The following IPPK variants were observed in gnomAD, a reference collection of about 807,000 sequenced individuals.
The protein encoded by IPPK is IPK1 homolog.
Under a neutral mutation model 64.6 loss-of-function variants are expected in IPPK, and 22 were observed. The ratio of observed to expected loss-of-function variants is 0.34; its 90% confidence interval spans 0.24 to 0.49. The LOEUF (loss-of-function observed/expected upper bound fraction) is 0.49. IPPK is among the 20% of genes least tolerant of loss of function. The pLI is 0.99. For missense variants in IPPK, 532 were observed against 630.7 expected (o/e 0.84, Z 1.68); for synonymous variants, 262 against 247.2 (o/e 1.06, Z -0.56).
At chr9:92,628,210 A>G (rs2131426068) in intron 11 of IPPK, among the ~76,000 whole-genome samples, 1 of 152,366 alleles carries the variant, frequency 6.6e-6, no homozygotes, top group East Asian at 1.9e-4. Flanking sequence ...ATCTAAATAA[A>G]TGGAAAAATA....
intron 1 of IPPK, among the ~76,000 whole-genome samples, chr9:92,666,043 GAAC>G (rs1014982914): frequency 1.3e-5 from 2 of 152,174 alleles, no homozygotes; most frequent in African/African-American, 4.8e-5. Context: ...CACGAAACTG[GAAC>G]AACTGGAAGT....
chr9:92,668,183 G>A (rs553760389), intron 1 of IPPK, among the ~76,000 whole-genome samples: 1 of 152,156 alleles, frequency 6.6e-6, no homozygotes, highest in Non-Finnish European at 1.5e-5. Flanking sequence ...CAGGAAAATC[G>A]CTTGAACCTG....
rs76984242 is a variant in IPPK, at chr9:92,642,576, C to T, written c.563+176G>A. The stretch of plus-strand genomic sequence containing the variant: ...AAACTGTGAGCACAGAGACAAGGCA[C>T]GGAGCACAAAGCCCCAGGTGTCTAC... On this transcript the variant is annotated intron_variant, in intron 7 of 12. Transcript: ENST00000287996. Among the ~76,000 whole-genome samples the T allele has an allele frequency of 3.8e-4, 58 of 152,318 alleles. 1 individual carries two copies. In the East Asian group the frequency reaches 0.01, roughly 26 times the overall value.
At chr9:92,619,331 A>G in intron 12 of IPPK, 155 bp downstream of exon 12, 1 of 617,086 alleles carries the variant, frequency 1.6e-6, no homozygotes, top group South Asian at 1.9e-5. Flanking sequence ...GGCGAGAGTT[A>G]GTAAGCCCCA....
At chr9:92,620,713 G>C (rs1404949349) in intron 11 of IPPK, among the ~76,000 whole-genome samples, 1 of 152,148 alleles carries the variant, frequency 6.6e-6, no homozygotes, top group Non-Finnish European at 1.5e-5. Flanking sequence ...GAACCTCAAA[G>C]CACGGATTTA....
At chr9:92,639,537 C>A (rs1405247316) in intron 8 of IPPK, among the ~76,000 whole-genome samples, 2 of 152,134 alleles carry the variant, frequency 1.3e-5, no homozygotes, top group East Asian at 3.8e-4. Context: ...TCGAAACAAT[C>A]CTAATCCTCA....
chr9:92,615,201 G>C lies in IPPK; in HGVS notation c.*631C>G, dbSNP rs1194546821. 6.6e-6 allele frequency: 1 copy of C among 152,514 alleles called. No individual in the cohort carries two copies. The highest frequency in any genetic ancestry group is 6.5e-5 in the Admixed American group (1 of 15,286). 9.4% of individuals were successfully genotyped at this position (152,514 alleles called of 1,614,324 possible). On this transcript the variant is annotated 3_prime_UTR_variant, in exon 13 of 13. Coordinates refer to ENST00000287996, the MANE Select transcript of IPPK (RefSeq NM_022755.6). ...GCATGAGTGGTGTCCATCCTGACCT[G>C]AGCCTTGCGCTCCCTGCTGCCCTGT...
Position 92,635,384 on chromosome 9 carries a change from ACCG to A in IPPK, c.917-79_917-77del. ...TGGAGGGAGACACAGGCCGGCGCAG[ACCG>A]CAGGGCTCATCCTGGGCTCCGCCAT... On this transcript the variant is annotated intron_variant, in intron 9 of 12. Coordinates refer to ENST00000287996, the MANE Select transcript of IPPK (RefSeq NM_022755.6). This position sits in a 1 kb window ranked among gnomAD's most constrained non-coding sequence, Gnocchi z 4.4. The A allele has an allele frequency of 6.8e-7, 1 of 1,477,886 alleles. No homozygotes were observed. Among genetic ancestry groups the A allele is most frequent in the Non-Finnish European group, 9.2e-7 (1 of 1,088,894 alleles). The allele number at this position is 1,477,886 out of a possible 1,614,324, so 91.5% of individuals were successfully genotyped here.
intron 7 of IPPK, among the ~76,000 whole-genome samples, chr9:92,642,182 C>T (rs952221515): frequency 1.3e-5 from 2 of 152,254 alleles, no homozygotes; most frequent in African/African-American, 4.8e-5. Context: ...CTCCCAGCCA[C>T]TACCGCCTTC....
chr9:92,617,270 G>A (rs1851469953), intron 12 of IPPK: 1 of 152,172 alleles, frequency 6.6e-6, no homozygotes, highest in Non-Finnish European at 1.5e-5. Context: ...GGGTGCACCT[G>A]GGCTGGAACA....
chr9:92,631,147 GAA>G (rs1269647900), intron 11 of IPPK, among the ~76,000 whole-genome samples: 5 of 151,372 alleles, frequency 3.3e-5, no homozygotes, highest in African/African-American at 4.9e-5. Flanking sequence ...CCTGAGCACT[GAA>G]ATGAAGACAA....
intron 7 of IPPK, among the ~76,000 whole-genome samples, chr9:92,641,793 C>T (rs901740697): frequency 1.3e-5 from 2 of 151,958 alleles, no homozygotes; most frequent in East Asian, 1.9e-4. Context: ...GGCAGGGGCA[C>T]GAAATGAATG....
intron 3 of IPPK, among the ~76,000 whole-genome samples, chr9:92,653,866 GA>G (rs1156492656): frequency 1.3e-5 from 2 of 152,150 alleles, no homozygotes; most frequent in Non-Finnish European, 2.9e-5. Flanking sequence ...AACAAAAAAA[GA>G]AAATTCGTAA....
At chr9:92,641,095 G>T (rs1323557183) in intron 7 of IPPK, among the ~76,000 whole-genome samples, 1 of 152,218 alleles carries the variant, frequency 6.6e-6, no homozygotes, top group Non-Finnish European at 1.5e-5. Context: ...AACCCCACCA[G>T]CTGCATCACA....
chr9:92,658,506 T>C, intron 2 of IPPK, 128 bp downstream of exon 2: 1 of 808,502 alleles, frequency 1.2e-6, no homozygotes, highest in Non-Finnish European at 2.1e-6. Flanking sequence ...GACACACCAC[T>C]TTCTGCACTG....
At chr9:92,667,593 G>GA (rs1175094141) in intron 1 of IPPK, among the ~76,000 whole-genome samples, 2 of 152,172 alleles carry the variant, frequency 1.3e-5, no homozygotes, top group African/African-American at 2.4e-5. Flanking sequence ...AACCAAGCAG[G>GA]AATGAGCACA....
At chr9:92,637,976 C>G in intron 9 of IPPK, 25 bp downstream of exon 9, 1 of 1,514,866 alleles carries the variant, frequency 6.6e-7, no homozygotes, top group South Asian at 1.3e-5. Context: ...CCCCCACCGC[C>G]TACCTGGGGA....
At chr9:92,620,666 T>C (rs1458608920) in intron 11 of IPPK, 3 of 152,194 alleles carry the variant, frequency 2.0e-5, no homozygotes, top group Non-Finnish European at 2.9e-5. Flanking sequence ...CAAGCTGCAC[T>C]TTCCAAAGGG....
chr9:92,640,628 G>T, intron 8 of IPPK, 82 bp downstream of exon 8: 1 of 929,882 alleles, frequency 1.1e-6, no homozygotes, highest in Non-Finnish European at 1.8e-6. Context: ...GTGCAGCCCA[G>T]CCCAACACCC....
Sources: allele counts gnomAD v4.1 joint callset (sites outside exome capture counted in the v4.1 genomes callset), GRCh38; gene constraint gnomAD v4.1.1; non-coding constraint Gnocchi (gnomAD v3.1); transcripts MANE v1.5; gene names NCBI Gene and HGNC (gene_info 2026-07-23, HGNC 2026-07-21).